PLXNB2: variants seen among roughly 807,000 people sequenced by gnomAD.
The protein encoded by PLXNB2 is plexin B2, also known as plexin-B2.
PLXNB2 carries 85 observed loss-of-function variants against 202.6 expected under a neutral mutation model. That is an observed-to-expected ratio of 0.42 (90% CI 0.35 to 0.50). The LOEUF (loss-of-function observed/expected upper bound fraction) is 0.50, where lower values mean the gene tolerates loss of function less well. Ranked by LOEUF, PLXNB2 falls within the 20% of genes least tolerant of loss-of-function variation. PLXNB2 has a pLI of 0.02. For synonymous variants in PLXNB2, 1,239 were observed against 1,137.6 expected (o/e 1.09, Z -1.79); for missense variants, 2,063 against 2,586.2 (o/e 0.80, Z 4.39).
rs762483419 is a variant in PLXNB2, at chr22:50,281,559, C to G, written c.3522+7G>C. The G allele has an allele frequency of 6.8e-6, 11 of 1,610,484 alleles. No homozygotes were observed. The South Asian group carries it at 1.1e-4, about 16-fold the overall frequency. The stretch of plus-strand genomic sequence containing the variant: ...GGGGCACCCCCCGCCAGTCCCCGCT[C>G]ACGCACAATGAACTCGGGCAGGTTG... On this transcript the variant is annotated splice_region_variant and intron_variant, in intron 21 of 36. Coordinates refer to ENST00000359337, the MANE Select transcript of PLXNB2 (RefSeq NM_012401.4).
chr22:50,290,140 C>T lies in PLXNB2; in HGVS notation c.445G>A (p.Glu149Lys). ...GEKSFVASND[E>K]GVATVGLVSS... Reference sequence around the variant, plus strand: ...ACCAGCCCCACTGTGGCCACGCCCTCATCATTGCTGGCCACGAAAGACTTC... The same window carrying T: ...ACCAGCCCCACTGTGGCCACGCCCTTATCATTGCTGGCCACGAAAGACTTC... The change falls in exon 3 of 37, where the codon GAG becomes AAG. Residue 149 changes from glutamate to lysine, a missense_variant. Transcript: ENST00000359337. The T allele has an allele frequency of 6.2e-7, 1 of 1,613,046 alleles. No individual in the cohort carries two copies. Among genetic ancestry groups the T allele is most frequent in the Non-Finnish European group, 8.5e-7 (1 of 1,179,996 alleles).
In PLXNB2 at chr22:50,278,534, G is replaced by A. The variant is rs749800513; in HGVS notation, c.4648-15C>T. 13 of 1,581,824 alleles carry A rather than the reference G, an allele frequency of 8.2e-6. No homozygotes were observed. The highest frequency in any genetic ancestry group is 2.7e-5 in the African/African-American group (2 of 74,012). The stretch of plus-strand genomic sequence containing the variant: ...CCATCCCGGACCTGGGGAACACGGC[G>A]GTGAGGGTGGGCTGTGCCCCCAGGG... On this transcript the variant is annotated splice_polypyrimidine_tract_variant and intron_variant, in intron 29 of 36. Transcript: ENST00000359337.
In PLXNB2 at chr22:50,290,386, C is replaced by A; in HGVS notation, c.199G>T (p.Val67Leu). ...LDAKLQLEQQ[V>L]ATGPALDNKK... The stretch of plus-strand genomic sequence containing the variant: ...TTGTCCAGGGCCGGGCCCGTGGCCA[C>A]CTGCTGCTCCAGCTGCAGCTTCGCA... The change falls in exon 3 of 37, where the codon GTG becomes TTG. Residue 67 changes from valine (V) to leucine (L), a missense_variant. Coordinates refer to ENST00000359337, the MANE Select transcript of PLXNB2 (RefSeq NM_012401.4). The A allele has an allele frequency of 6.2e-7, 1 of 1,612,944 alleles. No homozygotes were observed. The highest frequency in any genetic ancestry group is 2.2e-5 in the East Asian group (1 of 44,888).
Position 50,275,009 on chromosome 22 carries a change from C to CA in PLXNB2, c.*694dup, listed in dbSNP as rs1278976428. The CA allele has an allele frequency of 6.1e-6, 1 of 164,576 alleles. No homozygotes were observed. Among genetic ancestry groups the CA allele is most frequent in the African/African-American group, 2.5e-5 (1 of 40,662 alleles). 10.2% of individuals were successfully genotyped at this position (164,576 alleles called of 1,614,324 possible). On this transcript the variant is annotated 3_prime_UTR_variant, in exon 37 of 37. Transcript: ENST00000359337. Reference sequence around the variant, plus strand: ...TGAAAAAGACGCTGTATTTGATTTACAATGAACAAGATTTACAAAAAGGGG... The same window carrying CA: ...TGAAAAAGACGCTGTATTTGATTTACAAATGAACAAGATTTACAAAAAGGGG...
chr22:50,294,818 C>T (rs763658359), intron 1 of PLXNB2, 40 bp from the exon 2 acceptor site: 22 of 956,720 alleles, frequency 2.3e-5, no homozygotes, highest in East Asian at 2.3e-4. Context: ...AAGAGGAGCC[C>T]GGTCTGCTGT....
chr22:50,296,012 T>C (rs571084159), intron 1 of PLXNB2, among the ~76,000 whole-genome samples: 39 of 151,882 alleles, frequency 2.6e-4, no homozygotes, highest in Non-Finnish European at 4.7e-4. Flanking sequence ...CGAGGCAAGA[T>C]AATCGCTTGA....
chr22:50,303,713 C>G (rs1476986971), intron 1 of PLXNB2, among the ~76,000 whole-genome samples: 1 of 152,242 alleles, frequency 6.6e-6, no homozygotes. Flanking sequence ...CCCATGGAAG[C>G]TGCTGACCAG....
chr22:50,280,703 G>A (rs745766923), intron 24 of PLXNB2, 33 bp from the exon 25 acceptor site: 19 of 1,591,176 alleles, frequency 1.2e-5, no homozygotes, highest in Admixed American at 1.7e-5. Context: ...CCTGCCCGGC[G>A]CCACCTGTGT....
Position 50,282,796 on chromosome 22 carries a change from A to AC in PLXNB2, c.2901dup (p.Ser968ValfsTer66). 1 of 1,604,618 alleles carries AC rather than the reference A, an allele frequency of 6.2e-7. No individual in the cohort carries two copies. Among genetic ancestry groups the AC allele is most frequent in the Non-Finnish European group, 8.5e-7 (1 of 1,176,618 alleles). Reference sequence around the variant, plus strand: ...AAGATGCCGGGGTTGGGCACGGGGGACCCCCCGTAGGAGACCTCCAGAAGC... The same window carrying AC: ...AAGATGCCGGGGTTGGGCACGGGGGACCCCCCCGTAGGAGACCTCCAGAAGC... On this transcript the variant is annotated frameshift_variant, in exon 18 of 37. Coordinates refer to ENST00000359337, the MANE Select transcript of PLXNB2 (RefSeq NM_012401.4). LOFTEE classifies it high-confidence loss of function.
rs1372289927 is a variant in PLXNB2, at chr22:50,289,446, G to A, written c.1068+71C>T. ...CTGCTCACGTGCACCCTCCCCAGCA[G>A]GCTGGGACACGCAAACCCACGAACG... On this transcript the variant is annotated intron_variant, in intron 3 of 36. Transcript: ENST00000359337. The surrounding 1 kb of genome is among the most constrained non-coding windows in gnomAD (Gnocchi z 8.0). The A allele has an allele frequency of 3.4e-6, 5 of 1,484,244 alleles. No homozygotes were observed. The highest frequency in any genetic ancestry group is 3.6e-6 in the Non-Finnish European group (4 of 1,111,562). 91.9% of individuals were successfully genotyped at this position (1,484,244 alleles called of 1,614,324 possible).
chr22:50,278,365 G>C, intron 30 of PLXNB2, 70 bp downstream of exon 30: 1 of 1,564,650 alleles, frequency 6.4e-7, no homozygotes, highest in South Asian at 1.1e-5. Flanking sequence ...GGGTGCATGT[G>C]TCCAGGGCAG....
intron 1 of PLXNB2, among the ~76,000 whole-genome samples, chr22:50,307,105 T>C (rs1190388076): frequency 1.3e-5 from 2 of 151,432 alleles, no homozygotes; most frequent in African/African-American, 2.4e-5. Flanking sequence ...TCCGCCCTGG[T>C]CCCCCCGCGC....
chr22:50,303,036 G>A (rs1293097882), intron 1 of PLXNB2, among the ~76,000 whole-genome samples: 2 of 126,986 alleles, frequency 1.6e-5, no homozygotes, highest in African/African-American at 3.1e-5. Flanking sequence ...CAAGCCCCCC[G>A]CCATCCCCCC....
Position 50,290,575 on chromosome 22 carries a change from G to A in PLXNB2, c.10C>T (p.Gln4Ter). 6.2e-7 allele frequency: 1 copy of A among 1,606,514 alleles called. No homozygotes were observed. The highest frequency in any genetic ancestry group is 8.5e-7 in the Non-Finnish European group (1 of 1,178,130). Residue 4 changes from glutamine (Q) to a stop codon, truncating the protein, a stop_gained, in exon 3 of 37, where the codon CAG becomes TAG. Coordinates refer to ENST00000359337, the MANE Select transcript of PLXNB2 (RefSeq NM_012401.4). LOFTEE classifies it high-confidence loss of function. MAL[Q>*]LWALTLLGLL... ...CCCAGCAGGGTCAGGGCCCAGAGCTGCAGTGCCATTGCCCCCCGCACCCTG... is the reference window on the plus strand; with the variant it reads ...CCCAGCAGGGTCAGGGCCCAGAGCTACAGTGCCATTGCCCCCCGCACCCTG...
intron 14 of PLXNB2, 28 bp downstream of exon 14, chr22:50,283,805 G>A (rs749414059): frequency 1.9e-6 from 3 of 1,611,462 alleles, no homozygotes; most frequent in Non-Finnish European, 2.5e-6. Context: ...GACGAGGGAA[G>A]GTGTAGGCCA....
rs769110801 is a variant in PLXNB2 at position 50,298,480 on chromosome 22, G to A, written c.-73-3702C>T. 2.0e-5 allele frequency among the ~76,000 whole-genome samples: 3 copies of A among 152,284 alleles called. No homozygotes were observed. The Middle Eastern group carries it at 0.01, about 518-fold the overall frequency. On this transcript the variant is annotated intron_variant, in intron 1 of 36. Transcript: ENST00000359337. ...GAGGCATGTAAGGGGGAAGGACAGAGCCCTACTCCAGATGAGGCCAAGAGT... is the reference window on the plus strand; with the variant it reads ...GAGGCATGTAAGGGGGAAGGACAGAACCCTACTCCAGATGAGGCCAAGAGT...
At chr22:50,282,993 C>G in intron 17 of PLXNB2, 57 bp downstream of exon 17, 1 of 1,575,926 alleles carries the variant, frequency 6.3e-7, no homozygotes, top group Non-Finnish European at 8.6e-7. Flanking sequence ...AGTAAGTGCC[C>G]CCCTCCATAC....
rs2066296637 is a variant in PLXNB2 at position 50,284,777 on chromosome 22, C to T, written c.2089-112G>A. The stretch of plus-strand genomic sequence containing the variant: ...CTACAGTGTGGGAGCCCTCTCCTCA[C>T]CCCACACATGCCCGCCCCTCAGATT... On this transcript the variant is annotated intron_variant, in intron 11 of 36. Transcript: ENST00000359337. This position sits in a 1 kb window ranked among gnomAD's most constrained non-coding sequence, Gnocchi z 8.0. 1.2e-6 allele frequency: 1 copy of T among 830,528 alleles called. No individual in the cohort carries two copies. The allele number at this position is 830,528 out of a possible 1,614,324, so 51.4% of individuals were successfully genotyped here.
In PLXNB2 at chr22:50,286,032, C is replaced by T; in HGVS notation, c.1944G>A (p.Glu648=). The T allele has an allele frequency of 1.2e-6, 2 of 1,612,518 alleles. No homozygotes were observed. Among genetic ancestry groups the T allele is most frequent in the South Asian group, 1.1e-5 (1 of 91,092 alleles). Residue 648 remains glutamate, a synonymous_variant, in exon 10 of 37, where the codon GAG becomes GAA. Coordinates refer to ENST00000359337, the MANE Select transcript of PLXNB2 (RefSeq NM_012401.4). ...QWDLRYHECR[E]ASPNPEDGIV... ...TGCCGTCCTCAGGGTTGGGCGAAGCCTCCCGGCACTCGTGGTAGCGCAGGT... is the reference window on the plus strand; with the variant it reads ...TGCCGTCCTCAGGGTTGGGCGAAGCTTCCCGGCACTCGTGGTAGCGCAGGT...
Sources: allele counts gnomAD v4.1 joint callset (sites outside exome capture counted in the v4.1 genomes callset), GRCh38; gene constraint gnomAD v4.1.1; non-coding constraint Gnocchi (gnomAD v3.1); transcripts MANE v1.5; gene names NCBI Gene and HGNC (gene_info 2026-07-23, HGNC 2026-07-21).